PTPRU: variants seen among roughly 807,000 people sequenced by gnomAD.
PTPRU encodes receptor-type tyrosine-protein phosphatase U.
PTPRU carries 69 observed loss-of-function variants against 166.3 expected under a neutral mutation model. That is an observed-to-expected ratio of 0.41 (90% CI 0.34 to 0.51). The LOEUF (loss-of-function observed/expected upper bound fraction) is 0.51. PTPRU is among the 20% of genes least tolerant of loss of function. The pLI is 0.09. For synonymous variants in PTPRU, 793 were observed against 814.0 expected (o/e 0.97, Z 0.44); for missense variants, 1,657 against 2,013.7 (o/e 0.82, Z 3.39).
chr1:29,309,514 T>C (rs1233557312), intron 18 of PTPRU, among the ~76,000 whole-genome samples: 1 of 152,140 alleles, frequency 6.6e-6, no homozygotes, highest in East Asian at 1.9e-4. Context: ...TTCATTTGTA[T>C]CTTCAAGGAT....
At chr1:29,251,874 A>C (rs1684557853) in intron 1 of PTPRU, among the ~76,000 whole-genome samples, 1 of 152,212 alleles carries the variant, frequency 6.6e-6, no homozygotes, top group African/African-American at 2.4e-5. Flanking sequence ...GCCTTAGGGC[A>C]GGCCCAGCTC....
intron 1 of PTPRU, among the ~76,000 whole-genome samples, chr1:29,246,591 G>A (rs1268955035): frequency 1.3e-5 from 2 of 152,000 alleles, no homozygotes; most frequent in Admixed American, 6.6e-5. Flanking sequence ...GAGCCCTTGC[G>A]TTGAATCCAC....
Position 29,259,879 on chromosome 1 carries a change from G to C in PTPRU, c.685G>C (p.Gly229Arg). 4 of 1,530,684 alleles carry C rather than the reference G, an allele frequency of 2.6e-6. No homozygotes were observed. The highest frequency in any genetic ancestry group is 3.5e-6 in the Non-Finnish European group (4 of 1,145,004). The allele number at this position is 1,530,684 out of a possible 1,614,324, so 94.8% of individuals were successfully genotyped here. A position where few individuals can be genotyped will look rare whatever the true frequency, so the allele number is the denominator to read the frequency against. ...AERFLLQRQS[G>R]ALVPAAGVRH... is the part of the protein sequence containing the mutation. Reference sequence around the variant, plus strand: ...ACTCTCTTCCCTGCAGCGGCAGAGCGGGGCGCTGGTGCCGGCGGCGGGCGT... The same window carrying C: ...ACTCTCTTCCCTGCAGCGGCAGAGCCGGGCGCTGGTGCCGGCGGCGGGCGT... Residue 229 changes from glycine to arginine, a missense_variant, in exon 6 of 30, where the codon GGG becomes CGG. By Grantham distance (125) the Gly-to-Arg change is moderately radical. Coordinates refer to ENST00000373779, the MANE Select transcript of PTPRU (RefSeq NM_133178.4).
At chr1:29,239,649 T>C (rs1683949974) in intron 1 of PTPRU, among the ~76,000 whole-genome samples, 1 of 152,146 alleles carries the variant, frequency 6.6e-6, no homozygotes, top group African/African-American at 2.4e-5. Flanking sequence ...CATGCAGGAC[T>C]GGGTTGGCCA....
intron 7 of PTPRU, among the ~76,000 whole-genome samples, chr1:29,272,608 T>TA (rs1467256235): frequency 6.6e-6 from 1 of 151,902 alleles, no homozygotes; most frequent in African/African-American, 2.4e-5. Context: ...ATTAATCACA[T>TA]AAAAAATGCC....
At position 29,282,375 on chromosome 1, in the gene PTPRU, G is replaced by A. The variant is rs1686118782; in HGVS notation, c.1869-301G>A. 7.9e-5 allele frequency among the ~76,000 whole-genome samples: 12 copies of A among 152,278 alleles called. No homozygotes were observed. The South Asian group carries it at 2.5e-3, about 32-fold the overall frequency. ...CTTATGGCTTGGTTATATTGAGCAG[G>A]GTCCACGATCCTCTTAGCCTGGATT... On this transcript the variant is annotated intron_variant, in intron 11 of 29. Transcript: ENST00000373779.
chr1:29,268,116 C>G (rs1685385392), intron 7 of PTPRU, among the ~76,000 whole-genome samples: 1 of 152,102 alleles, frequency 6.6e-6, no homozygotes, highest in Non-Finnish European at 1.5e-5. Flanking sequence ...TGTCATAGAT[C>G]AGGAGTTCTG....
chr1:29,313,732 G>T (rs533664406), intron 22 of PTPRU, among the ~76,000 whole-genome samples: 2 of 152,298 alleles, frequency 1.3e-5, no homozygotes, highest in Admixed American at 1.3e-4. Context: ...GCACAAGCCT[G>T]TAGTCCCAGC....
intron 1 of PTPRU, among the ~76,000 whole-genome samples, chr1:29,239,371 G>A (rs1277469852): frequency 2.6e-5 from 4 of 152,160 alleles, no homozygotes; most frequent in South Asian, 2.1e-4. Flanking sequence ...AGTTGTGGAC[G>A]GCAGGAATGA....
chr1:29,270,509 A>G (rs1033030294), intron 7 of PTPRU, among the ~76,000 whole-genome samples: 2 of 152,082 alleles, frequency 1.3e-5, no homozygotes, highest in Non-Finnish European at 2.9e-5. Flanking sequence ...TCTCACTACT[A>G]TGTTGCCCAT....
rs545232827 is a variant in PTPRU, at chr1:29,238,057, G to T, written c.73+1340G>T. On this transcript the variant is annotated intron_variant, in intron 1 of 29. Transcript: ENST00000373779. The surrounding 1 kb of genome is among the most constrained non-coding windows in gnomAD (Gnocchi z 6.1). ...TGCGGCCTCCCGGCCGGCCGGGACC[G>T]CCAGGTGTGTGCTTGAGTGTGAGCG... Among the ~76,000 whole-genome samples, 1 of 151,750 alleles carries T rather than the reference G, an allele frequency of 6.6e-6. No homozygotes were observed. The highest frequency in any genetic ancestry group is 2.0e-4 in the East Asian group (1 of 5,054).
At position 29,317,921 on chromosome 1, in the gene PTPRU, C is replaced by T. The variant is rs367662634; in HGVS notation, c.3687C>T (p.Asp1229=). ...SNNYINAALT[D]SYTRSAAFIV... ...ACTACATTAATGCAGCCCTGACTGA[C>T]GTGAGAGCTTGGGGTGGAGTGGGCT... Residue 1229 remains aspartate, a splice_region_variant and synonymous_variant, in exon 25 of 30, where the codon GAC becomes GAT. Coordinates refer to ENST00000373779, the MANE Select transcript of PTPRU (RefSeq NM_133178.4). The surrounding 1 kb of genome is among the most constrained non-coding windows in gnomAD (Gnocchi z 5.6). 29 of 1,613,700 alleles carry T rather than the reference C, an allele frequency of 1.8e-5. No homozygotes were observed. In the Admixed American group the frequency reaches 2.7e-4, roughly 15 times the overall value.
chr1:29,261,983 T>G (rs1685086154), intron 7 of PTPRU, among the ~76,000 whole-genome samples: 1 of 152,228 alleles, frequency 6.6e-6, no homozygotes, highest in African/African-American at 2.4e-5. Flanking sequence ...GTCAAGATAT[T>G]CACATTGATA....
At chr1:29,268,339 G>A (rs1342811940) in intron 7 of PTPRU, among the ~76,000 whole-genome samples, 2 of 152,150 alleles carry the variant, frequency 1.3e-5, no homozygotes, top group African/African-American at 4.8e-5. Context: ...GGGCAATTTT[G>A]TCTCCTAGGA....
chr1:29,258,490 C>G lies in PTPRU; in HGVS notation c.206-15C>G. On this transcript the variant is annotated splice_polypyrimidine_tract_variant and intron_variant, in intron 2 of 29. Transcript: ENST00000373779. Reference sequence around the variant, plus strand: ...AGGTCTCCTCATCTCCTGCCTCTTCCTCCTCTCTTTCCAGGCTCCTACTTG... The same window carrying G: ...AGGTCTCCTCATCTCCTGCCTCTTCGTCCTCTCTTTCCAGGCTCCTACTTG... 1 of 1,610,318 alleles carries G rather than the reference C, an allele frequency of 6.2e-7. No homozygotes were observed. Among genetic ancestry groups the G allele is most frequent in the Non-Finnish European group, 8.5e-7 (1 of 1,177,994 alleles).
Position 29,260,879 on chromosome 1 carries a change from C to G in PTPRU, c.1120C>G (p.Leu374Val), listed in dbSNP as rs1205189686. The G allele has an allele frequency of 6.3e-7, 1 of 1,586,404 alleles. No individual in the cohort carries two copies. Among genetic ancestry groups the G allele is most frequent in the East Asian group, 2.3e-5 (1 of 44,158 alleles). Residue 374 changes from leucine to valine, a missense_variant, in exon 7 of 30, where the codon CTC becomes GTC. Coordinates refer to ENST00000373779, the MANE Select transcript of PTPRU (RefSeq NM_133178.4). This position sits in a 1 kb window ranked among gnomAD's most constrained non-coding sequence, Gnocchi z 8.3. ...CGGCACTGGCCGCCCTGGGCCACCC[C>G]TCATCAGCCGCACCAAATGCGCAGG... ...DGGTGRPGPP[L>V]ISRTKCAEPM...
chr1:29,284,252 G>A (rs561507951), intron 13 of PTPRU, among the ~76,000 whole-genome samples: 151 of 152,242 alleles, frequency 9.9e-4, no homozygotes, highest in African/African-American at 3.4e-3. Flanking sequence ...TCTGGGTTAC[G>A]TATCTGTCCG....
intron 13 of PTPRU, among the ~76,000 whole-genome samples, chr1:29,284,425 G>A (rs982089571): frequency 1.1e-4 from 16 of 152,196 alleles, no homozygotes; most frequent in African/African-American, 3.4e-4. Context: ...AGGAGGGCAA[G>A]AGGGTGGGGC....
At position 29,320,646 on chromosome 1, in the gene PTPRU, C is replaced by T; in HGVS notation, c.3688-39C>T. 6.6e-7 allele frequency: 1 copy of T among 1,522,832 alleles called. No homozygotes were observed. The highest frequency in any genetic ancestry group is 8.9e-7 in the Non-Finnish European group (1 of 1,125,272). 94.3% of individuals were successfully genotyped at this position (1,522,832 alleles called of 1,614,324 possible). A position where few individuals can be genotyped will look rare whatever the true frequency, so the allele number is the denominator to read the frequency against. Reference sequence around the variant, plus strand: ...GCAGAGGCTCAGCCCAGGCCAGGGGCCGGGAACAGGGCCCTGCTGAGTTCC... The same window carrying T: ...GCAGAGGCTCAGCCCAGGCCAGGGGTCGGGAACAGGGCCCTGCTGAGTTCC... On this transcript the variant is annotated intron_variant, in intron 25 of 29. Transcript: ENST00000373779. The surrounding 1 kb of genome is among the most constrained non-coding windows in gnomAD (Gnocchi z 5.2).
Sources: gnomAD v4.1 joint callset for allele counts (sites outside exome capture counted in the v4.1 genomes callset) on GRCh38, gnomAD v4.1.1 for gene constraint, Gnocchi (gnomAD v3.1) non-coding constraint, MANE v1.5 for transcripts, NCBI Gene and HGNC (gene_info 2026-07-23, HGNC 2026-07-21) for gene names.